CADM1: variants seen among roughly 807,000 people sequenced by gnomAD.
The protein encoded by CADM1 is TSLC-1.
CADM1 carries 15 observed loss-of-function variants against 53.1 expected under a neutral mutation model. The observed-to-expected ratio is 0.28, with a 90% CI of 0.19 to 0.44. The LOEUF (loss-of-function observed/expected upper bound fraction) is 0.44, where lower values mean the gene tolerates loss of function less well. Ranked by LOEUF, CADM1 falls within the 20% of genes least tolerant of loss-of-function variation. CADM1 has a pLI of 1.00. For synonymous variants in CADM1, 281 were observed against 243.0 expected (o/e 1.16, Z -1.45); for missense variants, 434 against 611.3 (o/e 0.71, Z 3.06).
intron 1 of CADM1, among the ~76,000 whole-genome samples, chr11:115,404,044 G>C (rs528456755): frequency 6.6e-6 from 1 of 151,062 alleles, no homozygotes; most frequent in Admixed American, 6.6e-5. Flanking sequence ...AATAAAATTA[G>C]GCTGGGCACA....
chr11:115,351,009 T>A (rs1945720823), intron 1 of CADM1, among the ~76,000 whole-genome samples: 1 of 152,062 alleles, frequency 6.6e-6, no homozygotes. Context: ...ATATTAACAT[T>A]CCTTTTGTTT....
intron 1 of CADM1, among the ~76,000 whole-genome samples, chr11:115,466,012 T>C (rs1948892389): frequency 6.6e-6 from 1 of 152,128 alleles, no homozygotes; most frequent in Non-Finnish European, 1.5e-5. Flanking sequence ...ACTCCAGCAA[T>C]GTGACTATGA....
chr11:115,320,534 G>C (rs1339208000), intron 1 of CADM1, among the ~76,000 whole-genome samples: 1 of 151,944 alleles, frequency 6.6e-6, no homozygotes, highest in Non-Finnish European at 1.5e-5. Flanking sequence ...TATGCAGATA[G>C]GTGTTTATAG....
chr11:115,440,073 A>C (rs1948275451), intron 1 of CADM1, among the ~76,000 whole-genome samples: 1 of 152,198 alleles, frequency 6.6e-6, no homozygotes, highest in Admixed American at 6.5e-5. Flanking sequence ...AAATTACTTA[A>C]ATGTCCCAGA....
intron 1 of CADM1, among the ~76,000 whole-genome samples, chr11:115,482,629 G>T (rs1288018105): frequency 1.3e-5 from 2 of 152,142 alleles, no homozygotes; most frequent in Non-Finnish European, 2.9e-5. Context: ...TTATAAACGT[G>T]TTTCTCTTAT....
At chr11:115,379,151 C>T (rs1207528244) in intron 1 of CADM1, among the ~76,000 whole-genome samples, 1 of 152,182 alleles carries the variant, frequency 6.6e-6, no homozygotes, top group East Asian at 1.9e-4. Flanking sequence ...TAAAGAATGG[C>T]TGCACAAGCC....
chr11:115,231,793 C>T (rs1170863223), intron 3 of CADM1, among the ~76,000 whole-genome samples: 2 of 152,042 alleles, frequency 1.3e-5, no homozygotes, highest in African/African-American at 4.8e-5. Flanking sequence ...TTGATATCAG[C>T]CTGACCAACA....
intron 1 of CADM1, among the ~76,000 whole-genome samples, chr11:115,416,325 T>A (rs1388532154): frequency 6.6e-6 from 1 of 152,164 alleles, no homozygotes; most frequent in Non-Finnish European, 1.5e-5. Context: ...GTGAAAAAAA[T>A]ATGAAACAAT....
chr11:115,364,103 T>G (rs915377154), intron 1 of CADM1, among the ~76,000 whole-genome samples: 6 of 152,162 alleles, frequency 3.9e-5, no homozygotes, highest in Non-Finnish European at 7.4e-5. Context: ...AACAACGCAT[T>G]TCTCAGAACA....
chr11:115,421,192 G>C (rs1947747147), intron 1 of CADM1, among the ~76,000 whole-genome samples: 1 of 152,144 alleles, frequency 6.6e-6, no homozygotes, highest in Non-Finnish European at 1.5e-5. Context: ...GGCAAAGTTT[G>C]GCAAGATCTT....
chr11:115,213,463 GATC>G (rs1165589373), intron 7 of CADM1, among the ~76,000 whole-genome samples: 3 of 145,324 alleles, frequency 2.1e-5, no homozygotes, highest in Admixed American at 1.4e-4. Flanking sequence ...GATTAGATGT[GATC>G]TTTTAATTTT....
chr11:115,470,162 T>C (rs1412580764), intron 1 of CADM1, among the ~76,000 whole-genome samples: 5 of 152,258 alleles, frequency 3.3e-5, no homozygotes, highest in African/African-American at 1.2e-4. Context: ...AACTACAACA[T>C]GCCAGACAAA....
At chr11:115,245,010 G>C (rs796527237) in intron 1 of CADM1, among the ~76,000 whole-genome samples, 41 of 152,262 alleles carry the variant, frequency 2.7e-4, no homozygotes, top group African/African-American at 9.6e-4. Flanking sequence ...TTACACCGGG[G>C]GAGTCTCTCT....
At chr11:115,446,738 G>A (rs896500975) in intron 1 of CADM1, among the ~76,000 whole-genome samples, 6 of 152,252 alleles carry the variant, frequency 3.9e-5, no homozygotes, top group Admixed American at 6.5e-5. Context: ...CTGCTCTTTC[G>A]AAAGAGCAAG....
chr11:115,273,327 A>G (rs1434789466), intron 1 of CADM1, among the ~76,000 whole-genome samples: 1 of 152,174 alleles, frequency 6.6e-6, no homozygotes, highest in Non-Finnish European at 1.5e-5. Flanking sequence ...TTTTTTTTCC[A>G]TCATATTAAA....
intron 1 of CADM1, among the ~76,000 whole-genome samples, chr11:115,453,376 C>G (rs950683019): frequency 2.3e-5 from 3 of 132,328 alleles, no homozygotes; most frequent in Non-Finnish European, 3.5e-5. Context: ...CCCCTCGCCC[C>G]CAAAAAAAAC....
chr11:115,182,811 C>T (rs1939374384), intron 10 of CADM1, among the ~76,000 whole-genome samples: 1 of 152,204 alleles, frequency 6.6e-6, no homozygotes, highest in African/African-American at 2.4e-5. Flanking sequence ...CAGCCACTTC[C>T]ATGGCTCTAA....
At chr11:115,192,830 C>T (rs1311962564) in intron 9 of CADM1, among the ~76,000 whole-genome samples, 1 of 152,198 alleles carries the variant, frequency 6.6e-6, no homozygotes, top group East Asian at 1.9e-4. Flanking sequence ...AGTTGATATA[C>T]ACCTCATTAA....
At chr11:115,353,815 A>G (rs988799301) in intron 1 of CADM1, among the ~76,000 whole-genome samples, 2 of 152,130 alleles carry the variant, frequency 1.3e-5, no homozygotes, top group Admixed American at 1.3e-4. Flanking sequence ...ATGGGATTTG[A>G]GCCTTCCTGA....
Sources: gnomAD v4.1 joint callset for allele counts (sites outside exome capture counted in the v4.1 genomes callset) on GRCh38, gnomAD v4.1.1 for gene constraint, MANE v1.5 for transcripts, NCBI Gene and HGNC (gene_info 2026-07-23, HGNC 2026-07-21) for gene names.